Variants in CPQ observed in about 807,000 individuals in gnomAD.
CPQ encodes the protein Ser-Met dipeptidase.
CPQ carries 37 observed loss-of-function variants against 45.7 expected under a neutral mutation model. The observed-to-expected ratio is 0.81, with a 90% CI of 0.62 to 1.07. The LOEUF is 1.07. Ranked by LOEUF, CPQ falls within the 50% of genes least tolerant of loss-of-function variation. The pLI is 0.00. For synonymous variants in CPQ, 186 were observed against 205.8 expected (o/e 0.90, Z 0.82); for missense variants, 537 against 572.9 (o/e 0.94, Z 0.64).
intron 2 of CPQ, among the ~76,000 whole-genome samples, chr8:96,810,167 A>G (rs1811143729): frequency 6.6e-6 from 1 of 151,916 alleles, no homozygotes; most frequent in African/African-American, 2.4e-5. Context: ...TCCCTTTCAC[A>G]TTGGGGCTCA....
chr8:96,733,530 A>C (rs1186891432), intron 1 of CPQ, among the ~76,000 whole-genome samples: 3 of 152,342 alleles, frequency 2.0e-5, no homozygotes, highest in African/African-American at 7.2e-5. Context: ...TAGTGAATAC[A>C]TGGTTCAGGT....
chr8:97,012,744 A>AT (rs1158197953), intron 5 of CPQ, among the ~76,000 whole-genome samples: 2 of 152,184 alleles, frequency 1.3e-5, no homozygotes, highest in Non-Finnish European at 2.9e-5. Context: ...TAGAAGATAT[A>AT]TCAAAATGAC....
chr8:96,717,773 C>T (rs1437444361), intron 1 of CPQ, among the ~76,000 whole-genome samples: 1 of 152,162 alleles, frequency 6.6e-6, no homozygotes, highest in East Asian at 1.9e-4. Context: ...TGTTCTGGCT[C>T]TCCACGTGTG....
At chr8:97,085,794 AAAG>A (rs547120007) in intron 7 of CPQ, among the ~76,000 whole-genome samples, 12 of 152,212 alleles carry the variant, frequency 7.9e-5, no homozygotes, top group Non-Finnish European at 1.3e-4. Context: ...ATTAGGTGAA[AAAG>A]AAGTTGAGAC....
At chr8:96,966,277 A>G (rs1190467678) in intron 5 of CPQ, among the ~76,000 whole-genome samples, 1 of 152,232 alleles carries the variant, frequency 6.6e-6, no homozygotes, top group African/African-American at 2.4e-5. Flanking sequence ...AAAATGAACA[A>G]GCAAATAAAA....
At position 96,710,189 on chromosome 8, in the gene CPQ, A is replaced by G. The variant is rs148985111; in HGVS notation, c.-35+64787A>G. Among the ~76,000 whole-genome samples, 663 of 150,742 alleles carry G rather than the reference A, an allele frequency of 4.4e-3. 3 individuals carry two copies. Among genetic ancestry groups the G allele is most frequent in the African/African-American group, 0.015 (624 of 40,318 alleles). ...AGTTTATGTGCATAGAAGTGTTCATAGTAGTCTCGAAATTTTTTTTGTATT... is the reference window on the plus strand; with the variant it reads ...AGTTTATGTGCATAGAAGTGTTCATGGTAGTCTCGAAATTTTTTTTGTATT... On this transcript the variant is annotated intron_variant, in intron 1 of 7. Coordinates refer to ENST00000220763, the MANE Select transcript of CPQ (RefSeq NM_016134.4).
chr8:96,881,145 T>C (rs1478473986), intron 4 of CPQ, among the ~76,000 whole-genome samples: 2 of 152,184 alleles, frequency 1.3e-5, no homozygotes, highest in Non-Finnish European at 2.9e-5. Flanking sequence ...CTTAGTGAAT[T>C]TGCATATATT....
At chr8:96,872,764 T>C (rs151081723) in intron 3 of CPQ, among the ~76,000 whole-genome samples, 262 of 152,050 alleles carry the variant, frequency 1.7e-3, no homozygotes, top group African/African-American at 6.0e-3. Context: ...GAAACTCATA[T>C]ATTTTGTGAT....
rs558662196 is a variant in CPQ, at chr8:96,955,605, G to A, written c.850-10330G>A. 5.9e-5 allele frequency among the ~76,000 whole-genome samples: 9 copies of A among 152,156 alleles called. No individual in the cohort carries two copies. In the South Asian group the frequency reaches 6.2e-4, roughly 11 times the overall value. On this transcript the variant is annotated intron_variant, in intron 4 of 7. Coordinates refer to ENST00000220763, the MANE Select transcript of CPQ (RefSeq NM_016134.4). ...AAAAGAACAAAGCTGGAGGCATCAC[G>A]CTACCTGACTTCAAACTATACTACA...
chr8:96,868,047 G>A (rs912097888), intron 3 of CPQ, among the ~76,000 whole-genome samples: 2 of 152,022 alleles, frequency 1.3e-5, no homozygotes, highest in African/African-American at 4.8e-5. Context: ...TGTGAGTAGA[G>A]CATTTAATTA....
intron 3 of CPQ, among the ~76,000 whole-genome samples, chr8:96,847,055 A>G (rs896604149): frequency 4.6e-5 from 7 of 152,322 alleles, no homozygotes; most frequent in Middle Eastern, 3.4e-3. Flanking sequence ...CATGCCCCTC[A>G]TTGCATCACA....
rs535595412 is a variant in CPQ at position 96,931,696 on chromosome 8, G to A, written c.850-34239G>A. Among the ~76,000 whole-genome samples the A allele has an allele frequency of 4.2e-4, 64 of 152,282 alleles. 1 individual carries two copies. In the South Asian group the frequency reaches 0.012, roughly 30 times the overall value. ...CATAGTGGAGCCCAGGGACTAACAC[G>A]ACAGTGGTCTGAGTGTCTCAGACTT... On this transcript the variant is annotated intron_variant, in intron 4 of 7. Coordinates refer to ENST00000220763, the MANE Select transcript of CPQ (RefSeq NM_016134.4).
chr8:96,781,719 T>C (rs1473809647), intron 1 of CPQ, among the ~76,000 whole-genome samples: 1 of 152,152 alleles, frequency 6.6e-6, no homozygotes, highest in Non-Finnish European at 1.5e-5. Flanking sequence ...CAGATATGGG[T>C]GAGACATAAC....
intron 1 of CPQ, among the ~76,000 whole-genome samples, chr8:96,779,076 A>G (rs1480951775): frequency 1.3e-5 from 2 of 151,870 alleles, no homozygotes. Flanking sequence ...AAAAAAAAAA[A>G]AAAAGGCATG....
intron 5 of CPQ, among the ~76,000 whole-genome samples, chr8:96,992,512 CTT>C (rs1260191942): frequency 2.0e-5 from 3 of 152,044 alleles, no homozygotes; most frequent in Non-Finnish European, 2.9e-5. Flanking sequence ...ATGAGGAAAA[CTT>C]AGTCTGAGAG....
chr8:97,110,729 G>A (rs1586546104), intron 7 of CPQ, among the ~76,000 whole-genome samples: 1 of 152,204 alleles, frequency 6.6e-6, no homozygotes, highest in Non-Finnish European at 1.5e-5. Context: ...AGGGACTGCA[G>A]TTGTGCCTTC....
chr8:96,864,831 A>G (rs1563516067), intron 3 of CPQ, among the ~76,000 whole-genome samples: 1 of 152,052 alleles, frequency 6.6e-6, no homozygotes, highest in Non-Finnish European at 1.5e-5. Context: ...GGGGCACAGC[A>G]TGAGGAGAGG....
intron 5 of CPQ, among the ~76,000 whole-genome samples, chr8:97,015,571 C>T (rs1809565406): frequency 6.6e-6 from 1 of 151,992 alleles, no homozygotes; most frequent in Admixed American, 6.6e-5. Flanking sequence ...TACAATATGA[C>T]ACATAAAAAA....
chr8:96,908,584 G>A (rs1415402328), intron 4 of CPQ, among the ~76,000 whole-genome samples: 1 of 152,098 alleles, frequency 6.6e-6, no homozygotes, highest in Non-Finnish European at 1.5e-5. Flanking sequence ...TGAGGGTTGG[G>A]ACATTGCTTA....
Sources: gnomAD v4.1 joint callset for allele counts (sites outside exome capture counted in the v4.1 genomes callset) on GRCh38, gnomAD v4.1.1 for gene constraint, MANE v1.5 for transcripts, NCBI Gene and HGNC (gene_info 2026-07-23, HGNC 2026-07-21) for gene names.